The following NEBL variants were observed in gnomAD, a reference collection of about 807,000 sequenced individuals.
NEBL encodes LIM and SH3 protein 2.
A neutral mutation model predicts 140.2 loss-of-function variants in NEBL; 122 were observed. That is an observed-to-expected ratio of 0.87 (90% confidence interval 0.75 to 1.01). NEBL has a LOEUF of 1.01. Among genes scored for constraint, NEBL ranks in the 50% least tolerant of loss-of-function variants. NEBL has a pLI of 0.00. For missense variants in NEBL, 1,365 were observed against 1,231.3 expected, an observed-to-expected ratio of 1.11 and a Z score of -1.62; for synonymous variants, 436 against 398.9, an observed-to-expected ratio of 1.09 and a Z score of -1.11.
At chr10:21,062,155 C>T (rs981406975) in intron 2 of NEBL, among the ~76,000 whole-genome samples, 3 of 152,096 alleles carry the variant, frequency 2.0e-5, no homozygotes, top group Admixed American at 2.0e-4. Flanking sequence ...ATTTTATGTG[C>T]CAAGTTTTTA....
intron 26 of NEBL, among the ~76,000 whole-genome samples, chr10:20,792,567 C>T (rs980977306): frequency 2.0e-5 from 3 of 151,952 alleles, no homozygotes; most frequent in Non-Finnish European, 4.4e-5. Context: ...TTTGGGAGGC[C>T]GAGGCAGGCA....
chr10:20,949,761 G>A (rs74120567), intron 4 of NEBL, among the ~76,000 whole-genome samples: 1,725 of 151,854 alleles, frequency 0.011, 36 homozygotes, highest in African/African-American at 0.039. Context: ...TGCTGAGGAC[G>A]TCTTTATTTC....
At chr10:21,250,981 A>G (rs889959538) in intron 2 of NEBL, among the ~76,000 whole-genome samples, 8 of 151,938 alleles carry the variant, frequency 5.3e-5, no homozygotes, top group Non-Finnish European at 8.8e-5. Context: ...TTTTTCCTTT[A>G]TTTTCTGGGT....
rs774523404 is a variant in NEBL at position 20,859,825 on chromosome 10, A to G, written c.686T>C (p.Ile229Thr). The change falls in exon 8 of 28, where the codon ATT (isoleucine) becomes ACT (threonine). Residue 229 changes from isoleucine (I) to threonine (T), a missense_variant and splice_region_variant. Coordinates refer to ENST00000377122, the MANE Select transcript of NEBL (RefSeq NM_006393.3). Reference sequence around the variant, plus strand: ...ATTATCAAATTTTTCTTTGTATTTAATCTGTCATAAAAGAGAAATAGTACA... The same window carrying G: ...ATTATCAAATTTTTCTTTGTATTTAGTCTGTCATAAAAGAGAAATAGTACA... ...AVEASKLSSQ[I>T]KYKEKFDNEM... 2.9e-5 allele frequency: 41 copies of G among 1,403,630 alleles called. No homozygotes were observed. Among genetic ancestry groups the G allele is most frequent in the South Asian group, 2.8e-4 (24 of 84,940 alleles). The allele number at this position is 1,403,630 out of a possible 1,614,324, so 86.9% of individuals were successfully genotyped here. A position where few individuals can be genotyped will look rare whatever the true frequency, so the allele number is the denominator to read the frequency against.
chr10:20,877,343 C>T (rs1484917747), intron 5 of NEBL, among the ~76,000 whole-genome samples: 2 of 152,200 alleles, frequency 1.3e-5, no homozygotes, highest in East Asian at 1.9e-4. Flanking sequence ...GCCCAAGAAA[C>T]ATTTTAACCA....
At chr10:21,101,375 A>G (rs933969639) in intron 2 of NEBL, among the ~76,000 whole-genome samples, 1 of 152,228 alleles carries the variant, frequency 6.6e-6, no homozygotes, top group Admixed American at 6.5e-5. Flanking sequence ...AGCTCTGGCT[A>G]AAACAATCCA....
intron 1 of NEBL, among the ~76,000 whole-genome samples, chr10:21,259,604 A>T (rs1399842589): frequency 1.3e-5 from 2 of 152,138 alleles, no homozygotes; most frequent in Non-Finnish European, 2.9e-5. Flanking sequence ...TCTTGCTAAC[A>T]GCACCTCAAC....
At chr10:20,908,661 A>T (rs1848200730) in intron 4 of NEBL, among the ~76,000 whole-genome samples, 1 of 152,232 alleles carries the variant, frequency 6.6e-6, no homozygotes, top group South Asian at 2.1e-4. Flanking sequence ...ATTAAAAAAC[A>T]ATCTCTGCTC....
intron 1 of NEBL, among the ~76,000 whole-genome samples, chr10:21,283,155 A>T (rs1843013431): frequency 7.4e-6 from 1 of 135,178 alleles, no homozygotes. Flanking sequence ...AAAAAAAAAA[A>T]TTGCGGTAAA....
At chr10:21,172,108 G>C (rs1446842855) in intron 2 of NEBL, 4 of 453,644 alleles carry the variant, frequency 8.8e-6, no homozygotes, top group African/African-American at 5.9e-5. Flanking sequence ...GGGAAGTTCA[G>C]CAGCTTCTAA....
At position 20,814,345 on chromosome 10, in the gene NEBL, C is replaced by A. The variant is rs61146312; in HGVS notation, c.2242-302G>T. On this transcript the variant is annotated intron_variant, in intron 22 of 27. Coordinates refer to ENST00000377122, the MANE Select transcript of NEBL (RefSeq NM_006393.3). ...GCCCGAGGACTCGTATCTGTAATCA[C>A]AGCACTTTGGAAAGCTAAGGTGGGA... Among the ~76,000 whole-genome samples the A allele has an allele frequency of 0.053, 8,081 of 151,778 alleles. 660 individuals carry two copies. The highest frequency in any genetic ancestry group is 0.18 in the African/African-American group (7,402 of 41,302).
chr10:21,103,526 G>C (rs1458435817), intron 2 of NEBL, among the ~76,000 whole-genome samples: 1 of 151,994 alleles, frequency 6.6e-6, no homozygotes, highest in Non-Finnish European at 1.5e-5. Flanking sequence ...TTCAACTCTT[G>C]ATAAGGTCAG....
intron 3 of NEBL, among the ~76,000 whole-genome samples, chr10:21,220,980 C>T (rs761084261): frequency 2.0e-5 from 3 of 152,106 alleles, no homozygotes; most frequent in African/African-American, 7.2e-5. Context: ...CACAGCAAGA[C>T]TCCATGTCTA....
intron 1 of NEBL, among the ~76,000 whole-genome samples, chr10:21,273,385 T>C (rs761537355): frequency 6.6e-6 from 1 of 152,168 alleles, no homozygotes; most frequent in Non-Finnish European, 1.5e-5. Context: ...AGAATAAATT[T>C]CCTAATAGTC....
At chr10:21,164,820 T>C (rs1240053370) in intron 2 of NEBL, among the ~76,000 whole-genome samples, 2 of 152,190 alleles carry the variant, frequency 1.3e-5, no homozygotes, top group Non-Finnish European at 2.9e-5. Flanking sequence ...TTGTTTTCAA[T>C]CATCCAATTA....
At chr10:20,927,135 C>G (rs1833951287) in intron 4 of NEBL, among the ~76,000 whole-genome samples, 1 of 152,142 alleles carries the variant, frequency 6.6e-6, no homozygotes. Context: ...AGTTTCTACT[C>G]TGGCCACTGT....
At chr10:20,862,751 A>G (rs561173894) in intron 7 of NEBL, among the ~76,000 whole-genome samples, 2 of 152,194 alleles carry the variant, frequency 1.3e-5, no homozygotes, top group Non-Finnish European at 2.9e-5. Context: ...TTAAGACACA[A>G]TGTTACTCCT....
intron 12 of NEBL, among the ~76,000 whole-genome samples, chr10:20,841,903 C>T (rs1032858666): frequency 3.9e-5 from 6 of 152,002 alleles, no homozygotes; most frequent in African/African-American, 1.4e-4. Flanking sequence ...GAATTTCACC[C>T]ATTTGAATGT....
chr10:20,798,008 C>A (rs1411839113), intron 26 of NEBL, among the ~76,000 whole-genome samples: 1 of 151,608 alleles, frequency 6.6e-6, no homozygotes, highest in Non-Finnish European at 1.5e-5. Flanking sequence ...GAGGCTGAGG[C>A]AGGAGGATCC....
Sources: allele counts gnomAD v4.1 joint callset (sites outside exome capture counted in the v4.1 genomes callset), GRCh38; gene constraint gnomAD v4.1.1; transcripts MANE v1.5; gene names NCBI Gene and HGNC (gene_info 2026-07-23, HGNC 2026-07-21).